Variants in ZFYVE1 observed in about 807,000 individuals in gnomAD.
ZFYVE1 encodes zinc finger FYVE domain-containing protein 1.
Under a neutral mutation model 74.4 loss-of-function variants are expected in ZFYVE1, and 30 were observed. That is an observed-to-expected ratio of 0.40 (90% confidence interval 0.30 to 0.55). The LOEUF (loss-of-function observed/expected upper bound fraction) is 0.55. ZFYVE1 is among the 20% of genes least tolerant of loss of function. ZFYVE1 has a pLI of 0.42. For missense variants in ZFYVE1, 703 were observed against 1,011.6 expected, an observed-to-expected ratio of 0.69 and a Z score of 4.14; for synonymous variants, 335 against 385.1, an observed-to-expected ratio of 0.87 and a Z score of 1.52.
intron 4 of ZFYVE1, among the ~76,000 whole-genome samples, chr14:72,984,312 C>A (rs1014384719): frequency 6.6e-6 from 1 of 152,040 alleles, no homozygotes; most frequent in African/African-American, 2.4e-5. Context: ...GGGTGGATCA[C>A]GAGGTCAGGA....
At chr14:73,014,136 A>T (rs1360549611) in intron 2 of ZFYVE1, among the ~76,000 whole-genome samples, 1 of 146,128 alleles carries the variant, frequency 6.8e-6, no homozygotes, top group Non-Finnish European at 1.6e-5. Context: ...AAGGTGTCTT[A>T]AAGTAGTTAA....
At chr14:73,005,420 T>C (rs967669485) in intron 2 of ZFYVE1, among the ~76,000 whole-genome samples, 2 of 152,098 alleles carry the variant, frequency 1.3e-5, no homozygotes, top group East Asian at 3.9e-4. Flanking sequence ...CCCATCCAAG[T>C]TGACAACATG....
chr14:72,977,878 A>G (rs775283415), intron 8 of ZFYVE1, 49 bp downstream of exon 8: 34 of 1,587,042 alleles, frequency 2.1e-5, no homozygotes, highest in Admixed American at 1.7e-4. Context: ...CACATGAAAA[A>G]CTGAACGACA....
At chr14:72,971,146 A>T (rs1290628410) in intron 11 of ZFYVE1, 32 bp from the exon 12 acceptor site, 1 of 1,611,808 alleles carries the variant, frequency 6.2e-7, no homozygotes, top group Admixed American at 1.7e-5. Flanking sequence ...AGGGCACCCA[A>T]AGCCCAATAC....
rs1260305364 is a variant in ZFYVE1, at chr14:73,010,864, T to C, written c.484-12549A>G. On this transcript the variant is annotated intron_variant, in intron 2 of 11. Transcript: ENST00000556143. ...TTACATTTCATTGAAAATCCTTAAA[T>C]AACAAATTATGTCAATATAGATTTA... 2.7e-5 allele frequency among the ~76,000 whole-genome samples: 4 copies of C among 146,914 alleles called. No individual in the cohort carries two copies. In the East Asian group the frequency reaches 8.0e-4, roughly 29 times the overall value.
rs1024464793 is a variant in ZFYVE1 at position 73,027,087 on chromosome 14, T to G, written c.-596A>C. 1.5e-5 allele frequency: 6 copies of G among 398,866 alleles called. No individual in the cohort carries two copies. Among genetic ancestry groups the G allele is most frequent in the Non-Finnish European group, 2.7e-5 (6 of 226,350 alleles). The allele number at this position is 398,866 out of a possible 1,614,324, so 24.7% of individuals were successfully genotyped here. ...GGCTTCCTCCTCTCCTGTTGTCAGT[T>G]GGGATCAGCTGATCGGAGTGAACTT... On this transcript the variant is annotated 5_prime_UTR_variant, in exon 1 of 12. Transcript: ENST00000556143.
chr14:73,007,523 G>A (rs867451719), intron 2 of ZFYVE1, among the ~76,000 whole-genome samples: 2 of 152,000 alleles, frequency 1.3e-5, no homozygotes, highest in East Asian at 3.9e-4. Flanking sequence ...GACTACTGGC[G>A]TGCACCACCA....
At chr14:72,980,536 A>AATTTATTTATTT (rs777150047) in intron 5 of ZFYVE1, among the ~76,000 whole-genome samples, 119 of 81,524 alleles carry the variant, frequency 1.5e-3, no homozygotes, top group East Asian at 0.011. Flanking sequence ...AGAATTAATT[A>AATTTATTTATTT]ATTTATTTAT....
At chr14:72,988,336 G>A (rs61986505) in intron 4 of ZFYVE1, among the ~76,000 whole-genome samples, 19,562 of 151,730 alleles carry the variant, frequency 0.13, 1,563 homozygotes, top group East Asian at 0.2. Flanking sequence ...CATCACGGCT[G>A]GCTAATTTTT....
intron 2 of ZFYVE1, among the ~76,000 whole-genome samples, chr14:72,999,153 G>T (rs571109874): frequency 6.6e-6 from 1 of 152,040 alleles, no homozygotes; most frequent in Non-Finnish European, 1.5e-5. Flanking sequence ...ATGAGGCCGG[G>T]TGCGGTGGCT....
chr14:72,987,830 C>A (rs1048780455), intron 4 of ZFYVE1, among the ~76,000 whole-genome samples: 1 of 152,018 alleles, frequency 6.6e-6, no homozygotes, highest in Non-Finnish European at 1.5e-5. Flanking sequence ...GGGACATAAG[C>A]CAGCTAGAAA....
intron 2 of ZFYVE1, among the ~76,000 whole-genome samples, chr14:73,014,173 A>G (rs1894145607): frequency 6.6e-6 from 1 of 152,236 alleles, no homozygotes; most frequent in Non-Finnish European, 1.5e-5. Flanking sequence ...AAGCTGACTC[A>G]CAGTGGTTTC....
chr14:72,971,900 A>G (rs551721676), intron 11 of ZFYVE1, among the ~76,000 whole-genome samples: 3 of 152,334 alleles, frequency 2.0e-5, no homozygotes, highest in Admixed American at 1.3e-4. Context: ...TACTGAGATC[A>G]GGTTAATCAG....
intron 8 of ZFYVE1, among the ~76,000 whole-genome samples, chr14:72,976,134 A>G (rs1893164331): frequency 6.6e-6 from 1 of 152,132 alleles, no homozygotes; most frequent in Admixed American, 6.6e-5. Flanking sequence ...ACTCTTTGTC[A>G]TTTTTGTATT....
intron 4 of ZFYVE1, among the ~76,000 whole-genome samples, chr14:72,992,164 C>A (rs541079131): frequency 6.6e-6 from 1 of 152,208 alleles, no homozygotes; most frequent in South Asian, 2.1e-4. Flanking sequence ...CCGCCTCGGC[C>A]TCCCAAAGTG....
intron 4 of ZFYVE1, among the ~76,000 whole-genome samples, chr14:72,986,472 T>C (rs992114575): frequency 6.1e-5 from 5 of 81,974 alleles, no homozygotes; most frequent in African/African-American, 2.4e-4. Context: ...TAACAGTAAC[T>C]GTTAAAAAAA....
In ZFYVE1 at chr14:72,969,566, AG is replaced by A; in HGVS notation, c.*1315del. The A allele has an allele frequency of 3.2e-6, 2 of 631,058 alleles. No homozygotes were observed. The highest frequency in any genetic ancestry group is 3.7e-5 in the South Asian group (2 of 53,408). The allele number at this position is 631,058 out of a possible 1,614,324, so 39.1% of individuals were successfully genotyped here. On this transcript the variant is annotated 3_prime_UTR_variant, in exon 12 of 12. Coordinates refer to ENST00000556143, the MANE Select transcript of ZFYVE1 (RefSeq NM_021260.4). ...AGGGCTGAGAGGGACGACACACTCC[AG>A]GGCTCATGTCACACCGATAGGCGCA...
chr14:72,989,348 A>G (rs1341367473), intron 4 of ZFYVE1, among the ~76,000 whole-genome samples: 3 of 152,242 alleles, frequency 2.0e-5, no homozygotes, highest in Non-Finnish European at 4.4e-5. Context: ...TTATTCAGGA[A>G]GAAAAACATA....
At chr14:73,008,758 G>A (rs927445630) in intron 2 of ZFYVE1, among the ~76,000 whole-genome samples, 3 of 152,164 alleles carry the variant, frequency 2.0e-5, no homozygotes, top group African/African-American at 7.2e-5. Flanking sequence ...TGTGAAAACA[G>A]ATGTAAGCTC....
Sources: allele counts gnomAD v4.1 joint callset (sites outside exome capture counted in the v4.1 genomes callset), GRCh38; gene constraint gnomAD v4.1.1; transcripts MANE v1.5; gene names NCBI Gene and HGNC (gene_info 2026-07-23, HGNC 2026-07-21).